The following TMEM272 variants were observed in gnomAD, a reference collection of about 807,000 sequenced individuals.
TMEM272 encodes long intergenic non-protein coding RNA 282.
A neutral mutation model predicts 3.7 loss-of-function variants in TMEM272; 8 were observed. That is an observed-to-expected ratio of 2.17 (90% CI 1.27 to 3.91). TMEM272 has a LOEUF of 3.91. TMEM272 is among the 30% of genes most tolerant of loss of function. TMEM272 has a pLI of 0.00. For synonymous variants in TMEM272, 63 were observed against 39.8 expected (o/e 1.58, Z -2.20); for missense variants, 166 against 91.5 (o/e 1.81, Z -3.32).
chr13:51,888,973 C>A, the TMEM272 span, among the ~76,000 whole-genome samples: 1 of 152,118 alleles, frequency 6.6e-6, no homozygotes, highest in Admixed American at 6.6e-5. Flanking sequence ...TTAATGGCCA[C>A]AGAGCCTCTC....
At chr13:51,919,753 G>A in the TMEM272 span, among the ~76,000 whole-genome samples, 18 of 152,260 alleles carry the variant, frequency 1.2e-4, no homozygotes, top group Non-Finnish European at 2.5e-4. Context: ...TGCCTTTGCA[G>A]GTCTCCTGCT....
the TMEM272 span, among the ~76,000 whole-genome samples, chr13:51,876,282 T>C: frequency 6.6e-6 from 1 of 152,236 alleles, no homozygotes; most frequent in African/African-American, 2.4e-5. Flanking sequence ...GGATTTTCCT[T>C]TGAAGTGTGG....
the TMEM272 span, among the ~76,000 whole-genome samples, chr13:51,874,085 A>G: frequency 6.6e-6 from 1 of 152,224 alleles, no homozygotes; most frequent in East Asian, 1.9e-4. Context: ...GAGGGCAGGA[A>G]ATCAAGCTTT....
the TMEM272 span, among the ~76,000 whole-genome samples, chr13:51,857,498 G>A: frequency 1.3e-5 from 2 of 152,046 alleles, no homozygotes; most frequent in Non-Finnish European, 2.9e-5. Context: ...AATGAAAAAG[G>A]TAGAAGGGGT....
the TMEM272 span, among the ~76,000 whole-genome samples, chr13:51,874,176 A>G: frequency 6.6e-6 from 1 of 152,236 alleles, no homozygotes; most frequent in African/African-American, 2.4e-5. Flanking sequence ...ACCCTGCTGC[A>G]GGGGCAATAA....
intron 2 of TMEM272, among the ~76,000 whole-genome samples, chr13:51,834,918 G>C (rs375964658): frequency 1.3e-4 from 20 of 152,208 alleles, no homozygotes; most frequent in African/African-American, 4.6e-4. Flanking sequence ...GTGGCAGCAG[G>C]CTGCAGGGAA....
At chr13:51,865,089 C>A in the TMEM272 span, among the ~76,000 whole-genome samples, 1 of 152,214 alleles carries the variant, frequency 6.6e-6, no homozygotes, top group African/African-American at 2.4e-5. Flanking sequence ...TAGTTGACAG[C>A]CACTGTCCTT....
chr13:51,821,400 A>G (rs1956077443), intron 4 of TMEM272, among the ~76,000 whole-genome samples: 1 of 152,076 alleles, frequency 6.6e-6, no homozygotes, highest in African/African-American at 2.4e-5. Flanking sequence ...CGCCCCTGAT[A>G]TTTCTTCTTC....
the TMEM272 span, among the ~76,000 whole-genome samples, chr13:51,874,392 C>G: frequency 6.6e-6 from 1 of 152,144 alleles, no homozygotes; most frequent in Non-Finnish European, 1.5e-5. Context: ...AACTGTCTTG[C>G]TTTGAGTTTT....
chr13:51,902,357 A>G, the TMEM272 span, among the ~76,000 whole-genome samples: 1 of 152,226 alleles, frequency 6.6e-6, no homozygotes. Flanking sequence ...TTTGGGAATT[A>G]TTAGCTGCTG....
chr13:51,838,019 T>C (rs1043646887), intron 2 of TMEM272, among the ~76,000 whole-genome samples: 9 of 152,112 alleles, frequency 5.9e-5, no homozygotes, highest in African/African-American at 2.2e-4. Context: ...ACAGACTGGG[T>C]CTTCTGTAAT....
chr13:51,919,453 A>G, the TMEM272 span, among the ~76,000 whole-genome samples: 2 of 152,178 alleles, frequency 1.3e-5, no homozygotes, highest in African/African-American at 4.8e-5. Flanking sequence ...GAAACCACCG[A>G]TCTGAACTTG....
the TMEM272 span, among the ~76,000 whole-genome samples, chr13:51,880,386 C>G: frequency 6.6e-6 from 1 of 151,994 alleles, no homozygotes; most frequent in African/African-American, 2.4e-5. Flanking sequence ...GAGTCTCCAC[C>G]CTGAGGCATG....
At chr13:51,818,316 G>T (rs1471459127) in intron 4 of TMEM272, among the ~76,000 whole-genome samples, 2 of 152,192 alleles carry the variant, frequency 1.3e-5, no homozygotes, top group Non-Finnish European at 2.9e-5. Context: ...ACAGAGAGAT[G>T]GGAACAGCGA....
chr13:51,818,605 G>A (rs1956054084), intron 4 of TMEM272, among the ~76,000 whole-genome samples: 1 of 152,168 alleles, frequency 6.6e-6, no homozygotes, highest in African/African-American at 2.4e-5. Flanking sequence ...GAGGCTAGAG[G>A]TACTAAATAA....
At chr13:51,933,010 G>A in the TMEM272 span, 36 of 152,204 alleles carry the variant, frequency 2.4e-4, no homozygotes, top group African/African-American at 7.0e-4. Context: ...AATCAACAGC[G>A]CGCTTGGATT....
intron 3 of TMEM272, among the ~76,000 whole-genome samples, chr13:51,826,195 A>G (rs1956124011): frequency 6.6e-6 from 1 of 150,918 alleles, no homozygotes; most frequent in Non-Finnish European, 1.5e-5. Flanking sequence ...CGCCAGGTGC[A>G]TTTTTTGTAT....
At chr13:51,837,888 G>A (rs563462163) in intron 2 of TMEM272, among the ~76,000 whole-genome samples, 2 of 152,314 alleles carry the variant, frequency 1.3e-5, no homozygotes, top group Admixed American at 1.3e-4. Context: ...TTCCCACAAT[G>A]TTCCCTTTAT....
chr13:51,891,283 T>C, the TMEM272 span, among the ~76,000 whole-genome samples: 2 of 152,198 alleles, frequency 1.3e-5, no homozygotes, highest in South Asian at 4.1e-4. Context: ...TAAGAGCTTA[T>C]AGTTTACAAA....
Sources: allele counts gnomAD v4.1 joint callset (sites outside exome capture counted in the v4.1 genomes callset), GRCh38; gene constraint gnomAD v4.1.1; transcripts MANE v1.5; gene names NCBI Gene and HGNC (gene_info 2026-07-23, HGNC 2026-07-21).